B3GAT2: variants seen among roughly 807,000 people sequenced by gnomAD.
The protein encoded by B3GAT2 is galactosylgalactosylxylosylprotein 3-beta-glucuronosyltransferase 2.
B3GAT2 carries 26 observed loss-of-function variants against 27.8 expected under a neutral mutation model. The ratio of observed to expected loss-of-function variants is 0.93; its 90% CI spans 0.68 to 1.30. The LOEUF (loss-of-function observed/expected upper bound fraction) is 1.30, where lower values mean the gene tolerates loss of function less well. B3GAT2 is among the 50% of genes most tolerant of loss of function. The pLI is 0.00. For missense variants in B3GAT2, 458 were observed against 459.0 expected (o/e 1.00, Z 0.02); for synonymous variants, 218 against 195.1 (o/e 1.12, Z -0.98).
chr6:70,885,038 ACC>A (rs1307319875), intron 2 of B3GAT2, among the ~76,000 whole-genome samples: 6 of 152,294 alleles, frequency 3.9e-5, no homozygotes, highest in African/African-American at 1.4e-4. Flanking sequence ...CAGGGCAACA[ACC>A]CTTAATCCTA....
intron 1 of B3GAT2, among the ~76,000 whole-genome samples, chr6:70,920,533 T>C (rs1394748321): frequency 1.3e-5 from 2 of 152,218 alleles, no homozygotes; most frequent in Non-Finnish European, 2.9e-5. Context: ...AGACCAGAAC[T>C]GTTCCTATCC....
intron 1 of B3GAT2, among the ~76,000 whole-genome samples, chr6:70,894,692 A>G (rs1303815192): frequency 6.6e-6 from 1 of 152,226 alleles, no homozygotes; most frequent in African/African-American, 2.4e-5. Flanking sequence ...AAGTCACAGG[A>G]GCGTCCTTTC....
At chr6:70,906,648 T>A (rs1772607200) in intron 1 of B3GAT2, among the ~76,000 whole-genome samples, 1 of 152,118 alleles carries the variant, frequency 6.6e-6, no homozygotes, top group Admixed American at 6.5e-5. Context: ...TTATAGCAAG[T>A]TTTGAGAAAA....
chr6:70,920,442 A>G (rs1582381221), intron 1 of B3GAT2, among the ~76,000 whole-genome samples: 1 of 152,170 alleles, frequency 6.6e-6, no homozygotes, highest in Non-Finnish European at 1.5e-5. Flanking sequence ...CTGTCCAACC[A>G]ATCCCAATGA....
chr6:70,898,530 T>A (rs1279468583), intron 1 of B3GAT2, among the ~76,000 whole-genome samples: 1 of 152,206 alleles, frequency 6.6e-6, no homozygotes, highest in East Asian at 1.9e-4. Flanking sequence ...TACATACTTT[T>A]AAAAAATTAA....
At chr6:70,904,267 G>T (rs1003461813) in intron 1 of B3GAT2, among the ~76,000 whole-genome samples, 11 of 152,320 alleles carry the variant, frequency 7.2e-5, no homozygotes, top group Admixed American at 2.0e-4. Flanking sequence ...CAGGGTGACA[G>T]TTCAGGGTAT....
At chr6:70,893,644 T>C in intron 2 of B3GAT2, among the ~76,000 whole-genome samples, 1 of 152,344 alleles carries the variant, frequency 6.6e-6, no homozygotes, top group East Asian at 1.9e-4. Flanking sequence ...TATATTTTAG[T>C]ATTAAATATA....
intron 1 of B3GAT2, among the ~76,000 whole-genome samples, chr6:70,905,195 A>G (rs368629965): frequency 2.6e-5 from 4 of 152,188 alleles, no homozygotes; most frequent in African/African-American, 9.7e-5. Flanking sequence ...AGCTAGGAGT[A>G]TAATTATTGT....
chr6:70,953,724 G>A (rs1582405064), intron 1 of B3GAT2, among the ~76,000 whole-genome samples: 1 of 152,112 alleles, frequency 6.6e-6, no homozygotes, highest in East Asian at 1.9e-4. Flanking sequence ...TTATTTTATT[G>A]CATTACTTCC....
chr6:70,946,627 T>A (rs1450264455), intron 1 of B3GAT2, among the ~76,000 whole-genome samples: 1 of 152,016 alleles, frequency 6.6e-6, no homozygotes, highest in Non-Finnish European at 1.5e-5. Context: ...CAAACAATAA[T>A]AATGGGAGAC....
intron 1 of B3GAT2, among the ~76,000 whole-genome samples, chr6:70,894,767 G>C (rs1388526433): frequency 6.6e-6 from 1 of 152,156 alleles, no homozygotes; most frequent in Admixed American, 6.5e-5. Context: ...ATGGGATCCA[G>C]ATACAGACCT....
chr6:70,937,356 T>G (rs1473180802), intron 1 of B3GAT2, among the ~76,000 whole-genome samples: 1 of 151,336 alleles, frequency 6.6e-6, no homozygotes, highest in East Asian at 1.9e-4. Flanking sequence ...CTTCTGAAAC[T>G]ATTCCAATCA....
intron 2 of B3GAT2, among the ~76,000 whole-genome samples, chr6:70,870,033 A>G (rs1771908753): frequency 6.6e-6 from 1 of 152,148 alleles, no homozygotes; most frequent in African/African-American, 2.4e-5. Context: ...CAGCCATCCC[A>G]TTACTGGGTA....
At chr6:70,866,275 C>T (rs1771850120) in intron 2 of B3GAT2, among the ~76,000 whole-genome samples, 1 of 152,180 alleles carries the variant, frequency 6.6e-6, no homozygotes, top group African/African-American at 2.4e-5. Context: ...ATTGATTAGC[C>T]CTAAACTAGA....
intron 1 of B3GAT2, among the ~76,000 whole-genome samples, chr6:70,900,706 T>C (rs1772483897): frequency 6.6e-6 from 1 of 152,188 alleles, no homozygotes; most frequent in Admixed American, 6.5e-5. Flanking sequence ...ACTGGAACAC[T>C]CAGAAGATCA....
chr6:70,916,431 C>T (rs760585402), intron 1 of B3GAT2, among the ~76,000 whole-genome samples: 8 of 152,102 alleles, frequency 5.3e-5, no homozygotes, highest in Admixed American at 1.3e-4. Context: ...ACTTCCAACA[C>T]GATGTTGAAT....
At chr6:70,938,649 G>C (rs971052180) in intron 1 of B3GAT2, among the ~76,000 whole-genome samples, 5 of 151,856 alleles carry the variant, frequency 3.3e-5, no homozygotes, top group Non-Finnish European at 7.4e-5. Context: ...AACAAGCAAT[G>C]GGGAAAGGAT....
chr6:70,914,247 A>C (rs1251067817), intron 1 of B3GAT2, among the ~76,000 whole-genome samples: 1 of 152,070 alleles, frequency 6.6e-6, no homozygotes, highest in Non-Finnish European at 1.5e-5. Flanking sequence ...CTCGTCATTT[A>C]CATTAGGTAT....
intron 1 of B3GAT2, among the ~76,000 whole-genome samples, chr6:70,924,597 C>A (rs565023107): frequency 6.6e-6 from 1 of 152,152 alleles, no homozygotes; most frequent in South Asian, 2.1e-4. Context: ...CAGAAATAAA[C>A]CCTATGCAAC....
Sources: gnomAD v4.1 joint callset for allele counts (sites outside exome capture counted in the v4.1 genomes callset) on GRCh38, gnomAD v4.1.1 for gene constraint, MANE v1.5 for transcripts, NCBI Gene and HGNC (gene_info 2026-07-23, HGNC 2026-07-21) for gene names.